The following SF3B2 variants were observed in gnomAD, a reference collection of about 807,000 sequenced individuals.
SF3B2 encodes splicing factor 3b subunit 2.
SF3B2 carries 22 observed loss-of-function variants against 116.3 expected under a neutral mutation model. The observed-to-expected ratio is 0.19, with a 90% CI of 0.14 to 0.27. The LOEUF is 0.27. SF3B2 is among the 10% of genes least tolerant of loss of function. The pLI, the probability that SF3B2 is intolerant of heterozygous loss-of-function variation, is 1.00. For missense variants in SF3B2, 767 were observed against 1,151.4 expected (o/e 0.67, Z 4.83); for synonymous variants, 406 against 421.6 (o/e 0.96, Z 0.45).
chr11:66,052,652 A>G (rs774036612), intron 1 of SF3B2, 21 bp from the exon 2 acceptor site: 5 of 1,597,866 alleles, frequency 3.1e-6, no homozygotes, highest in Non-Finnish European at 4.3e-6. Flanking sequence ...TGCCCCATTG[A>G]TCGTGTACTT....
In SF3B2 at chr11:66,063,703, G is replaced by A; in HGVS notation, c.2304G>A (p.Lys768=). 3 of 1,613,174 alleles carry A rather than the reference G, an allele frequency of 1.9e-6. No homozygotes were observed. The highest frequency in any genetic ancestry group is 2.5e-6 in the Non-Finnish European group (3 of 1,179,634). The change falls in exon 19 of 22, where the codon AAG becomes AAA. Residue 768 remains lysine (K), a synonymous_variant. Transcript: ENST00000322535. ...CCCCTGAACTCATTGAGCTGAGGAA[G>A]AAGAAGATTGAGGAGGCGATGGACG... is the stretch of plus-strand genomic sequence containing the variant. The part of the protein sequence containing the change: ...METPELIELR[K]KKIEEAMDGS...
chr11:66,061,485 T>C (rs565180346), intron 14 of SF3B2, among the ~76,000 whole-genome samples: 1 of 152,392 alleles, frequency 6.6e-6, no homozygotes, highest in East Asian at 1.9e-4. Context: ...GTTGGCCGTG[T>C]TCTCATAGTG....
At chr11:66,064,705 T>G (rs1163339601) in intron 19 of SF3B2, 2 of 152,156 alleles carry the variant, frequency 1.3e-5, no homozygotes, top group Non-Finnish European at 2.9e-5. Flanking sequence ...CGTGGTGGCT[T>G]AAGCCTGTAA....
At position 66,058,065 on chromosome 11, in the gene SF3B2, C is replaced by T. The variant is rs1857034706; in HGVS notation, c.789C>T (p.Pro263=). The T allele has an allele frequency of 1.2e-6, 2 of 1,609,898 alleles. No homozygotes were observed. The change falls in exon 8 of 22, where the codon CCC becomes CCT. Residue 263 remains proline, a synonymous_variant. Coordinates refer to ENST00000322535, the MANE Select transcript of SF3B2 (RefSeq NM_006842.3). ...PGDENREMDD[P]SVGPKIPQAL... is the part of the protein sequence containing the mutation. ...GGTGTCTCTGGCAGATGGATGACCC[C>T]TCTGTGGGCCCCAAGATCCCCCAGG... is the stretch of plus-strand genomic sequence containing the variant.
chr11:66,069,244 T>C lies in SF3B2; in HGVS notation c.*499T>C. On this transcript the variant is annotated 3_prime_UTR_variant, in exon 22 of 22. Coordinates refer to ENST00000322535, the MANE Select transcript of SF3B2 (RefSeq NM_006842.3). ...GGGCAGGCCTTCCCAACTGACCTTG[T>C]GACCAGAAGTTCAAGTCCTTACCTG... 1 of 385,212 alleles carries C rather than the reference T, an allele frequency of 2.6e-6. No homozygotes were observed. The highest frequency in any genetic ancestry group is 5.4e-6 in the Non-Finnish European group (1 of 185,468). The allele number at this position is 385,212 out of a possible 1,614,324, so 23.9% of individuals were successfully genotyped here.
rs1401592400 is a variant in SF3B2, at chr11:66,059,175, G to C, written c.1183-26G>C. On this transcript the variant is annotated intron_variant, in intron 10 of 21. Coordinates refer to ENST00000322535, the MANE Select transcript of SF3B2 (RefSeq NM_006842.3). The surrounding 1 kb of genome is among the most constrained non-coding windows in gnomAD (Gnocchi z 5.0). ...AACTGGGAAGGGGCTCAGAGGGCAG[G>C]GGTTTCACCTTGTCTGCCTCCTTAG... 3 of 1,613,974 alleles carry C rather than the reference G, an allele frequency of 1.9e-6. No homozygotes were observed. Among genetic ancestry groups the C allele is most frequent in the Non-Finnish European group, 2.5e-6 (3 of 1,179,974 alleles).
Position 66,055,534 on chromosome 11 carries a change from G to A in SF3B2, c.499-1G>A, listed in dbSNP as rs751983443. The A allele has an allele frequency of 1.9e-6, 3 of 1,614,182 alleles. No homozygotes were observed. The Admixed American group carries it at 5.0e-5, about 27-fold the overall frequency. On this transcript the variant is annotated splice_acceptor_variant, in intron 4 of 21. Transcript: ENST00000322535. LOFTEE classifies it high-confidence loss of function. ...GGTATGAACTTGTTTTCTTTTTTAA[G>A]CAGGGAGATCATTCGCTGAAGGAAC...
At chr11:66,054,918 A>C (rs368995580) in intron 3 of SF3B2, among the ~76,000 whole-genome samples, 158 bp from the exon 4 acceptor site, 1 of 152,156 alleles carries the variant, frequency 6.6e-6, no homozygotes, top group Non-Finnish European at 1.5e-5. Flanking sequence ...TAACATTCTC[A>C]TATCTTTATA....
intron 3 of SF3B2, among the ~76,000 whole-genome samples, chr11:66,054,590 T>G (rs1590708339): frequency 6.6e-6 from 1 of 152,238 alleles, no homozygotes; most frequent in South Asian, 2.1e-4. Context: ...CATGTTCTTT[T>G]GTGTGACATC....
chr11:66,058,262 G>A (rs1293010741), intron 8 of SF3B2, 52 bp from the exon 9 acceptor site: 6 of 1,583,806 alleles, frequency 3.8e-6, no homozygotes, highest in South Asian at 1.1e-5. Flanking sequence ...TACTGTGAAC[G>A]AGTGCAGGGC....
Position 66,068,858 on chromosome 11 carries a change from A to C in SF3B2, c.*113A>C. 1.2e-6 allele frequency: 1 copy of C among 829,040 alleles called. No individual in the cohort carries two copies. The highest frequency in any genetic ancestry group is 2.0e-6 in the Non-Finnish European group (1 of 508,438). The allele number at this position is 829,040 out of a possible 1,614,324, so 51.4% of individuals were successfully genotyped here. On this transcript the variant is annotated 3_prime_UTR_variant, in exon 22 of 22. Coordinates refer to ENST00000322535, the MANE Select transcript of SF3B2 (RefSeq NM_006842.3). ...TTGTCATTTCATGTTCTTATTTTAG[A>C]CCTGTTTTGTAAATAAAGCTGTTTC...
At chr11:66,058,653 G>A (rs1407207550) in intron 9 of SF3B2, 177 bp from the exon 10 acceptor site, 4 of 647,888 alleles carry the variant, frequency 6.2e-6, no homozygotes, top group South Asian at 6.0e-5. Flanking sequence ...CAGCTTGTGA[G>A]TGGCAGAACT....
rs1857069276 is a variant in SF3B2 at position 66,059,730 on chromosome 11, A to G, written c.1402-52A>G. 4 of 1,605,254 alleles carry G rather than the reference A, an allele frequency of 2.5e-6. No individual in the cohort carries two copies. Among genetic ancestry groups the G allele is most frequent in the Non-Finnish European group, 3.4e-6 (4 of 1,172,082 alleles). On this transcript the variant is annotated intron_variant, in intron 12 of 21. Transcript: ENST00000322535. This position sits in a 1 kb window ranked among gnomAD's most constrained non-coding sequence, Gnocchi z 5.0. ...GGGTCCTTTGAGGAAGAAGAGCTTC[A>G]GAACTGAGAAGTCGGGGCTCTCGAG... is the stretch of plus-strand genomic sequence containing the variant.
At chr11:66,057,123 C>T in intron 6 of SF3B2, 143 bp from the exon 7 acceptor site, 1 of 849,264 alleles carries the variant, frequency 1.2e-6, no homozygotes, top group East Asian at 2.4e-5. Flanking sequence ...GACCATGATC[C>T]AAAACATTAC....
chr11:66,062,237 G>T (rs1857111367), intron 16 of SF3B2, among the ~76,000 whole-genome samples: 1 of 152,146 alleles, frequency 6.6e-6, no homozygotes, highest in Non-Finnish European at 1.5e-5. Flanking sequence ...CAAGTACAAA[G>T]ATGAAAGCAA....
chr11:66,063,480 G>C lies in SF3B2; in HGVS notation c.2166G>C (p.Glu722Asp), dbSNP rs1389596536. 6.2e-7 allele frequency: 1 copy of C among 1,614,184 alleles called. No homozygotes were observed. The highest frequency in any genetic ancestry group is 2.2e-5 in the East Asian group (1 of 44,888). Reference sequence around the variant, plus strand: ...CTGATGAAGAATCCTCAGAAGAAGAGGAAGAGGAAGAAAGTGATGAAGACA... The same window carrying C: ...CTGATGAAGAATCCTCAGAAGAAGACGAAGAGGAAGAAAGTGATGAAGACA... ...EPSDEESSEE[E>D]EEEESDEDKP... The change falls in exon 18 of 22, where the codon GAG becomes GAC. Residue 722 changes from glutamate (E) to aspartate (D), a missense_variant. Around this residue, in one of 4 missense-constraint regions of SF3B2, gnomAD observed 282 missense variants for 568.0 expected, o/e 0.50. Coordinates refer to ENST00000322535, the MANE Select transcript of SF3B2 (RefSeq NM_006842.3).
chr11:66,059,014 T>C lies in SF3B2; in HGVS notation c.1151T>C (p.Ile384Thr). 1 of 1,614,084 alleles carries C rather than the reference T, an allele frequency of 6.2e-7. No individual in the cohort carries two copies. Among genetic ancestry groups the C allele is most frequent in the Non-Finnish European group, 8.5e-7 (1 of 1,180,012 alleles). ...CCTGAAATTTACGAGCCCAACTTTA[T>C]CTTCTTTAAGAGGATCTTTGAGGCT... ...EEPEIYEPNF[I>T]FFKRIFEAFK... Residue 384 changes from isoleucine to threonine, a missense_variant, in exon 10 of 22, where the codon ATC becomes ACC. This residue lies in a region of SF3B2 where 455 missense variants were observed against 537.5 expected (regional missense o/e 0.85). Transcript: ENST00000322535. The surrounding 1 kb of genome is among the most constrained non-coding windows in gnomAD (Gnocchi z 5.0).
At chr11:66,055,963 G>T in intron 5 of SF3B2, 1 of 216,586 alleles carries the variant, frequency 4.6e-6, no homozygotes, top group East Asian at 1.0e-4. Flanking sequence ...TAGGACTCTG[G>T]GTAATTGAGT....
Position 66,068,882 on chromosome 11 carries a change from T to C in SF3B2, c.*137T>C, listed in dbSNP as rs190567887. 1.8e-4 allele frequency: 130 copies of C among 707,558 alleles called. No individual in the cohort carries two copies. Among genetic ancestry groups the C allele is most frequent in the African/African-American group, 1.6e-3 (91 of 55,764 alleles). 43.8% of individuals were successfully genotyped at this position (707,558 alleles called of 1,614,324 possible). On this transcript the variant is annotated 3_prime_UTR_variant, in exon 22 of 22. Transcript: ENST00000322535. ...GACCTGTTTTGTAAATAAAGCTGTT[T>C]CCCAAGGAAAGAGATGAATATTTAA... is the stretch of plus-strand genomic sequence containing the variant.
Sources: allele counts gnomAD v4.1 joint callset (sites outside exome capture counted in the v4.1 genomes callset), GRCh38; gene constraint gnomAD v4.1.1; regional missense constraint gnomAD v4.1.1; non-coding constraint Gnocchi (gnomAD v3.1); transcripts MANE v1.5; gene names NCBI Gene and HGNC (gene_info 2026-07-23, HGNC 2026-07-21).